The following IL34 variants were observed in gnomAD, a reference collection of about 807,000 sequenced individuals.
IL34 encodes interleukin 34, also known as interleukin-34.
A neutral mutation model predicts 25.3 loss-of-function variants in IL34; 17 were observed. The observed-to-expected ratio is 0.67, with a 90% CI of 0.46 to 1.01. IL34 has a LOEUF of 1.01. Ranked by LOEUF, IL34 falls within the 50% of genes least tolerant of loss-of-function variation. The pLI, the probability that IL34 is intolerant of heterozygous loss-of-function variation, is 0.00. For missense variants in IL34, 368 were observed against 312.9 expected, an observed-to-expected ratio of 1.18 and a Z score of -1.33; for synonymous variants, 174 against 140.9, an observed-to-expected ratio of 1.23 and a Z score of -1.66.
Position 70,629,163 on chromosome 16 carries a change from C to T in IL34, c.-400-17385C>T, listed in dbSNP as rs146688930. On this transcript the variant is annotated intron_variant, in intron 1 of 6. Transcript: ENST00000429149. ...CATGTACAAGTGGAAATAACTTCAC[C>T]TCCTCCTATTTAACTCTTGTATCTC... 7.9e-5 allele frequency among the ~76,000 whole-genome samples: 12 copies of T among 152,230 alleles called. No individual in the cohort carries two copies. The East Asian group carries it at 2.3e-3, about 29-fold the overall frequency.
upstream of IL34, among the ~76,000 whole-genome samples, chr16:70,642,874 C>G (rs193221756): frequency 1.3e-3 from 180 of 140,108 alleles, 1 homozygote; most frequent in Middle Eastern, 0.025. Context: ...ATAGGCAAAT[C>G]CATAGAGACA....
intron 1 of IL34, among the ~76,000 whole-genome samples, chr16:70,641,497 TTCCCTCCCTCTCTCCC>T (rs1045155464): frequency 7.0e-6 from 1 of 143,242 alleles, no homozygotes; most frequent in African/African-American, 3.0e-5. Flanking sequence ...AAAAAATTCT[TTCCCTCCCTCTCTCCC>T]TCCCTCCCTT....
At chr16:70,623,937 T>A (rs963663273) in intron 1 of IL34, among the ~76,000 whole-genome samples, 2 of 140,760 alleles carry the variant, frequency 1.4e-5, no homozygotes, top group Non-Finnish European at 3.2e-5. Flanking sequence ...TAATGTGGAG[T>A]GGGTAGCCTC....
chr16:70,617,167 A>G (rs1227191961), intron 1 of IL34, among the ~76,000 whole-genome samples: 1 of 152,172 alleles, frequency 6.6e-6, no homozygotes, highest in African/African-American at 2.4e-5. Context: ...TGGCCTGGAT[A>G]TGATTTTGTA....
At chr16:70,637,782 A>G (rs1281178206) in intron 1 of IL34, among the ~76,000 whole-genome samples, 1 of 152,186 alleles carries the variant, frequency 6.6e-6, no homozygotes, top group East Asian at 1.9e-4. Context: ...GACTTTTTTC[A>G]GAGACTGGGA....
intron 1 of IL34, among the ~76,000 whole-genome samples, chr16:70,607,731 A>G (rs2051028489): frequency 6.6e-6 from 1 of 151,674 alleles, no homozygotes; most frequent in Non-Finnish European, 1.5e-5. Flanking sequence ...TGCATCACTG[A>G]GATGACCATG....
At chr16:70,640,589 A>C (rs1457263890) in intron 1 of IL34, among the ~76,000 whole-genome samples, 1 of 150,210 alleles carries the variant, frequency 6.7e-6, no homozygotes, top group Admixed American at 6.7e-5. Flanking sequence ...TTGCCACTGC[A>C]CTCCAGCCAG....
chr16:70,628,786 C>CT (rs71387533), intron 1 of IL34, among the ~76,000 whole-genome samples: 32,194 of 115,112 alleles, frequency 0.28, 4,697 homozygotes, highest in South Asian at 0.4. Flanking sequence ...CACACCTGGT[C>CT]TTTTTTTTTT....
intron 1 of IL34, among the ~76,000 whole-genome samples, chr16:70,622,887 A>AGACATGAG (rs983740496): frequency 2.0e-5 from 3 of 152,118 alleles, no homozygotes; most frequent in Non-Finnish European, 4.4e-5. Flanking sequence ...CGCTGTATGC[A>AGACATGAG]GACATGAGGG....
intron 1 of IL34, among the ~76,000 whole-genome samples, chr16:70,651,591 G>A (rs1392942409): frequency 6.6e-6 from 1 of 152,140 alleles, no homozygotes; most frequent in Non-Finnish European, 1.5e-5. Context: ...AGCAGGGCAG[G>A]TTTGGAGAAG....
At chr16:70,601,113 G>A (rs2050910017) in intron 1 of IL34, among the ~76,000 whole-genome samples, 1 of 152,024 alleles carries the variant, frequency 6.6e-6, no homozygotes, top group South Asian at 2.1e-4. Flanking sequence ...AAGGAATGCT[G>A]AGAGAAGTGG....
intron 1 of IL34, among the ~76,000 whole-genome samples, chr16:70,623,350 G>C: frequency 6.6e-6 from 1 of 152,098 alleles, no homozygotes; most frequent in East Asian, 1.9e-4. Flanking sequence ...TGACACCATA[G>C]GGTGGATAGG....
intron 1 of IL34, among the ~76,000 whole-genome samples, chr16:70,637,027 A>G (rs1412355876): frequency 6.6e-6 from 1 of 151,328 alleles, no homozygotes; most frequent in African/African-American, 2.4e-5. Context: ...CTACAGGCTA[A>G]TTTTTTGTAT....
At chr16:70,606,381 G>C (rs949632230) in intron 1 of IL34, among the ~76,000 whole-genome samples, 1 of 152,110 alleles carries the variant, frequency 6.6e-6, no homozygotes, top group African/African-American at 2.4e-5. Flanking sequence ...CTGGGCAACA[G>C]AGCAAGACTC....
chr16:70,651,421 G>C (rs2052075574), intron 1 of IL34, among the ~76,000 whole-genome samples: 2 of 152,242 alleles, frequency 1.3e-5, no homozygotes, highest in African/African-American at 4.8e-5. Context: ...CACAGGGGAA[G>C]AGGGAGAGAG....
At chr16:70,581,832 T>C (rs1772423779) in intron 1 of IL34, among the ~76,000 whole-genome samples, 1 of 152,164 alleles carries the variant, frequency 6.6e-6, no homozygotes, top group Non-Finnish European at 1.5e-5. Flanking sequence ...TCTGTAAGCC[T>C]AGCACTTTGG....
At chr16:70,590,856 C>A (rs1416811045) in intron 1 of IL34, among the ~76,000 whole-genome samples, 1 of 152,172 alleles carries the variant, frequency 6.6e-6, no homozygotes, top group East Asian at 1.9e-4. Context: ...CCGCCCCTGG[C>A]AGTCAGTTCC....
chr16:70,607,511 G>A (rs2051025556), intron 1 of IL34, among the ~76,000 whole-genome samples: 1 of 152,176 alleles, frequency 6.6e-6, no homozygotes, highest in South Asian at 2.1e-4. Context: ...GCACTGGCTG[G>A]AATCTCCAGC....
At chr16:70,639,148 G>C (rs2151860118) in intron 1 of IL34, among the ~76,000 whole-genome samples, 1 of 152,320 alleles carries the variant, frequency 6.6e-6, no homozygotes, top group Non-Finnish European at 1.5e-5. Flanking sequence ...GAGCTTTCCA[G>C]ATGTGGTGAC....
Sources: allele counts gnomAD v4.1 joint callset (sites outside exome capture counted in the v4.1 genomes callset), GRCh38; gene constraint gnomAD v4.1.1; transcripts MANE v1.5; gene names NCBI Gene and HGNC (gene_info 2026-07-23, HGNC 2026-07-21).